The following SPAG17 variants were observed in gnomAD, a reference collection of about 807,000 sequenced individuals.
SPAG17 encodes the protein sperm-associated antigen 17.
Under a neutral mutation model 273.6 loss-of-function variants are expected in SPAG17, and 169 were observed. That is an observed-to-expected ratio of 0.62 (90% CI 0.55 to 0.70). The LOEUF (loss-of-function observed/expected upper bound fraction) is 0.70, where lower values mean the gene tolerates loss of function less well. Ranked by LOEUF, SPAG17 falls within the 30% of genes least tolerant of loss-of-function variation. SPAG17 has a pLI of 0.00. For synonymous variants in SPAG17, 825 were observed against 873.2 expected (o/e 0.94, Z 0.97); for missense variants, 2,557 against 2,627.8 (o/e 0.97, Z 0.59).
chr1:118,027,082 A>G (rs1647840029), intron 26 of SPAG17, among the ~76,000 whole-genome samples: 1 of 152,226 alleles, frequency 6.6e-6, no homozygotes, highest in Non-Finnish European at 1.5e-5. Context: ...GGATCAAACA[A>G]TCAAAGAAAT....
intron 3 of SPAG17, among the ~76,000 whole-genome samples, chr1:118,139,162 A>G (rs1658526374): frequency 6.6e-6 from 1 of 152,220 alleles, no homozygotes; most frequent in Non-Finnish European, 1.5e-5. Context: ...TGGGGTGGAT[A>G]GACATTTCTC....
At chr1:118,051,142 A>C (rs1484951557) in intron 20 of SPAG17, among the ~76,000 whole-genome samples, 1 of 152,166 alleles carries the variant, frequency 6.6e-6, no homozygotes, top group Non-Finnish European at 1.5e-5. Context: ...ATGAAAAAAA[A>C]TGCCTGGCAT....
Position 117,972,036 on chromosome 1 carries a change from A to T in SPAG17, c.6153T>A (p.Ser2051=). The T allele has an allele frequency of 6.2e-7, 1 of 1,613,306 alleles. No homozygotes were observed. Among genetic ancestry groups the T allele is most frequent in the Non-Finnish European group, 8.5e-7 (1 of 1,179,632 alleles). The part of the protein sequence containing the change: ...KSQPLAKVQD[S]VGGKVNTSSV... ...AGGATGTGTTCACTTTTCCTCCAAC[A>T]GAATCTTGCACCTTTGCATTAAGAA... is the stretch of plus-strand genomic sequence containing the variant. The change falls in exon 45 of 49, where the codon TCT becomes TCA. Residue 2051 remains serine (S), a synonymous_variant. Transcript: ENST00000336338.
In SPAG17 at chr1:118,033,921, C is replaced by A. The variant is rs117404599; in HGVS notation, c.3434-2054G>T. Among the ~76,000 whole-genome samples, 24 of 152,324 alleles carry A rather than the reference C, an allele frequency of 1.6e-4. No homozygotes were observed. In the East Asian group the frequency reaches 4.6e-3, roughly 29 times the overall value. ...CCAGTACTCTGTTTATGTATAATTT[C>A]CAGCACTAAGACAGATATTATTGCT... On this transcript the variant is annotated intron_variant, in intron 24 of 48. Coordinates refer to ENST00000336338, the MANE Select transcript of SPAG17 (RefSeq NM_206996.4).
At chr1:118,002,084 A>G (rs1288460864) in intron 32 of SPAG17, among the ~76,000 whole-genome samples, 2 of 152,184 alleles carry the variant, frequency 1.3e-5, no homozygotes, top group African/African-American at 2.4e-5. Context: ...TTATTTACTC[A>G]GTAGTCATTC....
chr1:118,062,090 G>A (rs976640882), intron 18 of SPAG17, among the ~76,000 whole-genome samples: 22 of 151,704 alleles, frequency 1.5e-4, no homozygotes, highest in African/African-American at 2.2e-4. Flanking sequence ...AGAAAAGGCC[G>A]GGTGCGGTGG....
At chr1:117,991,811 A>C (rs779367859) in intron 36 of SPAG17, among the ~76,000 whole-genome samples, 4 of 152,176 alleles carry the variant, frequency 2.6e-5, no homozygotes, top group African/African-American at 9.7e-5. Context: ...TGTCCTCATC[A>C]ATAAAATGGA....
Position 117,971,972 on chromosome 1 carries a change from G to A in SPAG17, c.6217C>T (p.Leu2073Phe), listed in dbSNP as rs1477730159. Residue 2073 changes from leucine to phenylalanine, a missense_variant, in exon 45 of 49, where the codon CTT becomes TTT. Leu to Phe is a conservative substitution (Grantham distance 22). Coordinates refer to ENST00000336338, the MANE Select transcript of SPAG17 (RefSeq NM_206996.4). ...SAAINNAKSSLFGFHLLPSSV... is the reference protein window; with the variant it reads ...SAAINNAKSSFFGFHLLPSSV... Reference sequence around the variant, plus strand: ...GATGGGAGAAGATGGAACCCAAAAAGGGATGACTTTGCATTATTAATGGCA... The same window carrying A: ...GATGGGAGAAGATGGAACCCAAAAAAGGATGACTTTGCATTATTAATGGCA... 6.2e-7 allele frequency: 1 copy of A among 1,614,116 alleles called. No homozygotes were observed. The highest frequency in any genetic ancestry group is 1.3e-5 in the African/African-American group (1 of 75,024).
Position 118,012,373 on chromosome 1 carries a change from CTGAACA to C in SPAG17, c.4288-7_4288-2del. 1 of 1,612,800 alleles carries C rather than the reference CTGAACA, an allele frequency of 6.2e-7. No homozygotes were observed. The highest frequency in any genetic ancestry group is 8.5e-7 in the Non-Finnish European group (1 of 1,179,380). On this transcript the variant is annotated splice_acceptor_variant and splice_polypyrimidine_tract_variant and intron_variant, in intron 29 of 48. Transcript: ENST00000336338. LOFTEE classifies it high-confidence loss of function. Reference sequence around the variant, plus strand: ...CTTTGTCTTCTCGAGTTGTCATAACCTGAACATGAAGAGGCAGGACATAATCATTTG... The same window carrying C: ...CTTTGTCTTCTCGAGTTGTCATAACCTGAAGAGGCAGGACATAATCATTTG...
At position 118,115,387 on chromosome 1, in the gene SPAG17, G is replaced by C. The variant is rs764219802; in HGVS notation, c.370C>G (p.Leu124Val). Residue 124 changes from leucine to valine, a missense_variant, in exon 4 of 49, where the codon CTG becomes GTG. Leu to Val is a conservative substitution (Grantham distance 32). Transcript: ENST00000336338. ...MDSGEKLTLP[L>V]IGKLLKFQLL... Reference sequence around the variant, plus strand: ...TGAAATTTCAAGAGTTTCCCTATCAGTGGTAAGGTTAATTTCTCTCCACTA... The same window carrying C: ...TGAAATTTCAAGAGTTTCCCTATCACTGGTAAGGTTAATTTCTCTCCACTA... 1 of 1,613,578 alleles carries C rather than the reference G, an allele frequency of 6.2e-7. No homozygotes were observed. Among genetic ancestry groups the C allele is most frequent in the East Asian group, 2.2e-5 (1 of 44,852 alleles).
At chr1:118,072,213 A>G (rs1653670895) in intron 17 of SPAG17, among the ~76,000 whole-genome samples, 1 of 152,258 alleles carries the variant, frequency 6.6e-6, no homozygotes, top group Non-Finnish European at 1.5e-5. Flanking sequence ...CATTTACTAT[A>G]AAGCCCAACT....
chr1:118,073,589 T>C (rs914483241), intron 17 of SPAG17, among the ~76,000 whole-genome samples: 5 of 152,190 alleles, frequency 3.3e-5, no homozygotes, highest in Admixed American at 3.3e-4. Flanking sequence ...AAAAAATATA[T>C]ATATGCAGCA....
intron 28 of SPAG17, among the ~76,000 whole-genome samples, chr1:118,020,644 A>G (rs916662212): frequency 3.3e-5 from 5 of 152,132 alleles, no homozygotes; most frequent in African/African-American, 1.2e-4. Flanking sequence ...GCAGCACCAA[A>G]GAGATTATTC....
intron 47 of SPAG17, chr1:117,964,745 T>C (rs1239232425): frequency 6.6e-6 from 1 of 152,236 alleles, no homozygotes; most frequent in Non-Finnish European, 1.5e-5. Context: ...TCGGCATCTT[T>C]GAAAGCATAA....
At chr1:118,090,482 A>T (rs867802798) in intron 10 of SPAG17, among the ~76,000 whole-genome samples, 2 of 152,366 alleles carry the variant, frequency 1.3e-5, no homozygotes, top group Middle Eastern at 6.8e-3. Flanking sequence ...GAAACACTCG[A>T]AAAGAAATGT....
At chr1:118,165,400 A>G (rs1401621379) in intron 1 of SPAG17, among the ~76,000 whole-genome samples, 2 of 151,872 alleles carry the variant, frequency 1.3e-5, no homozygotes, top group Admixed American at 6.6e-5. Context: ...ACCTCACTCC[A>G]TGTGTGTCTG....
At chr1:118,106,048 T>C (rs139452823) in intron 4 of SPAG17, among the ~76,000 whole-genome samples, 8 of 152,274 alleles carry the variant, frequency 5.3e-5, no homozygotes, top group Admixed American at 2.6e-4. Context: ...TAGTTAAGAC[T>C]TGAGGTACTA....
In SPAG17 at chr1:117,987,324, T is replaced by A. The variant is rs535285123; in HGVS notation, c.5669+510A>T. Reference sequence around the variant, plus strand: ...ACATTTTTATGAAGAAACATATTAATCCTGAAGTTATCCTGAAGAGAAGCC... The same window carrying A: ...ACATTTTTATGAAGAAACATATTAAACCTGAAGTTATCCTGAAGAGAAGCC... On this transcript the variant is annotated intron_variant, in intron 40 of 48. Coordinates refer to ENST00000336338, the MANE Select transcript of SPAG17 (RefSeq NM_206996.4). Among the ~76,000 whole-genome samples the A allele has an allele frequency of 2.3e-4, 35 of 152,286 alleles. No individual in the cohort carries two copies. In the South Asian group the frequency reaches 3.9e-3, roughly 17 times the overall value.
At chr1:118,139,795 T>G in intron 3 of SPAG17, among the ~76,000 whole-genome samples, 6 of 142,114 alleles carry the variant, frequency 4.2e-5, no homozygotes, top group Middle Eastern at 3.5e-3. Context: ...GACTGGGGGG[T>G]GGGGGGAATG....
Sources: gnomAD v4.1 joint callset for allele counts (sites outside exome capture counted in the v4.1 genomes callset) on GRCh38, gnomAD v4.1.1 for gene constraint, MANE v1.5 for transcripts, NCBI Gene and HGNC (gene_info 2026-07-23, HGNC 2026-07-21) for gene names.